Variants in DNAI3 observed in about 807,000 individuals in gnomAD.
The protein encoded by DNAI3 is WD repeat domain 63.
Under a neutral mutation model 115.5 loss-of-function variants are expected in DNAI3, and 83 were observed. The observed-to-expected ratio is 0.72, with a 90% CI of 0.60 to 0.86. The LOEUF (loss-of-function observed/expected upper bound fraction) is 0.86. Among genes scored for constraint, DNAI3 ranks in the 40% least tolerant of loss-of-function variants. The pLI is 0.00. For missense variants in DNAI3, 1,004 were observed against 1,075.8 expected (o/e 0.93, Z 0.93); for synonymous variants, 320 against 347.0 (o/e 0.92, Z 0.86).
chr1:85,078,415 G>A (rs1185412006), intron 3 of DNAI3, among the ~76,000 whole-genome samples: 1 of 152,262 alleles, frequency 6.6e-6, no homozygotes, highest in Non-Finnish European at 1.5e-5. Flanking sequence ...TGCCCTCGCA[G>A]ACATTGTCCT....
chr1:85,130,382 A>C (rs1656276533), intron 22 of DNAI3, among the ~76,000 whole-genome samples: 1 of 152,164 alleles, frequency 6.6e-6, no homozygotes, highest in African/African-American at 2.4e-5. Context: ...GAATGCTTTC[A>C]TTATAGAATT....
chr1:85,104,522 A>G lies in DNAI3; in HGVS notation c.1480-2A>G, dbSNP rs1254601800. On this transcript the variant is annotated splice_acceptor_variant, in intron 13 of 22. Transcript: ENST00000294664. LOFTEE classifies it high-confidence loss of function. ...TATTTCTCTTTCATTTTTGAAAAAT[A>G]GATTAACAGAATGGGCTCCGTCTTT... 1.9e-6 allele frequency: 3 copies of G among 1,613,024 alleles called. No individual in the cohort carries two copies.
intron 16 of DNAI3, among the ~76,000 whole-genome samples, chr1:85,112,029 T>C (rs563944173): frequency 1.1e-4 from 16 of 151,758 alleles, no homozygotes; most frequent in South Asian, 8.4e-4. Context: ...TTATCTAGAA[T>C]TTTATGTAAA....
chr1:85,104,607 G>A lies in DNAI3; in HGVS notation c.1553+10G>A. 6.2e-7 allele frequency: 1 copy of A among 1,612,110 alleles called. No homozygotes were observed. The highest frequency in any genetic ancestry group is 8.5e-7 in the Non-Finnish European group (1 of 1,178,632). On this transcript the variant is annotated intron_variant, in intron 14 of 22. Transcript: ENST00000294664. ...CATGTTCAGCAGATTGGTAAGTCTT[G>A]TTTCAAACATTTCCTAATGTGTTTT...
At chr1:85,119,995 C>T (rs1256757664) in intron 17 of DNAI3, among the ~76,000 whole-genome samples, 8 of 152,222 alleles carry the variant, frequency 5.3e-5, no homozygotes, top group African/African-American at 9.6e-5. Context: ...CCACTGTGCC[C>T]GGCCTTTTTT....
chr1:85,062,612 A>T (rs1384357993), intron 1 of DNAI3, 126 bp downstream of exon 1: 7 of 152,240 alleles, frequency 4.6e-5, no homozygotes, highest in Non-Finnish European at 1.0e-4. Flanking sequence ...ACTACAAAAA[A>T]CACAAGTCTT....
In DNAI3 at chr1:85,083,759, C is replaced by T. The variant is rs56883087; in HGVS notation, c.391-787C>T. On this transcript the variant is annotated intron_variant, in intron 5 of 22. Coordinates refer to ENST00000294664, the MANE Select transcript of DNAI3 (RefSeq NM_145172.5). ...TAAATATTACAGACAATATTCCACT[C>T]CCTCTCGTATCCTCCCTAATTCCAT... 2.3e-3 allele frequency among the ~76,000 whole-genome samples: 352 copies of T among 152,118 alleles called. 15 individuals carry two copies. In the East Asian group the frequency reaches 0.057, roughly 25 times the overall value.
Position 85,133,002 on chromosome 1 carries a change from A to G in DNAI3, c.*4A>G, listed in dbSNP as rs1234207930. 2 of 1,607,696 alleles carry G rather than the reference A, an allele frequency of 1.2e-6. No individual in the cohort carries two copies. The highest frequency in any genetic ancestry group is 1.7e-5 in the Admixed American group (1 of 58,692). ...GTCATACATGGAGGTGATGTAAAAA[A>G]GCTTCCTGAAGGGGTGTTTTGGGGA... On this transcript the variant is annotated 3_prime_UTR_variant, in exon 23 of 23. Coordinates refer to ENST00000294664, the MANE Select transcript of DNAI3 (RefSeq NM_145172.5).
In DNAI3 at chr1:85,093,497, A is replaced by C; in HGVS notation, c.897A>C (p.Thr299=). 2 of 1,614,154 alleles carry C rather than the reference A, an allele frequency of 1.2e-6. No individual in the cohort carries two copies. The highest frequency in any genetic ancestry group is 1.7e-6 in the Non-Finnish European group (2 of 1,180,038). ...IALQQNEIMN[T]FIDDWKYLAE... ...TGCAGCAAAATGAAATCATGAACAC[A>C]TTTATTGATGACTGGAAATACCTCG... The change falls in exon 9 of 23, where the codon ACA becomes ACC. Residue 299 remains threonine (T), a synonymous_variant. Transcript: ENST00000294664.
Position 85,098,605 on chromosome 1 carries a change from A to G in DNAI3, c.1426A>G (p.Asn476Asp). 6.2e-7 allele frequency: 1 copy of G among 1,613,672 alleles called. No homozygotes were observed. The highest frequency in any genetic ancestry group is 8.5e-7 in the Non-Finnish European group (1 of 1,179,764). The stretch of plus-strand genomic sequence containing the variant: ...ACACTGTGCAGTCTCTTCAATAGAA[A>G]ATGGACATAAGAAAGTAATTACAGA... ...IRHCAVSSIE[N>D]GHKKVITDIH... is the part of the protein sequence containing the mutation. Residue 476 changes from asparagine (N) to aspartate (D), a missense_variant, in exon 13 of 23, where the codon AAT (asparagine) becomes GAT (aspartate). By Grantham distance (23) the Asn-to-Asp change is conservative. Around this residue, in one of 3 missense-constraint regions of DNAI3, gnomAD observed 25 missense variants for 53.4 expected, o/e 0.47. Transcript: ENST00000294664.
At chr1:85,084,053 A>G (rs1372118242) in intron 5 of DNAI3, among the ~76,000 whole-genome samples, 1 of 150,994 alleles carries the variant, frequency 6.6e-6, no homozygotes, top group African/African-American at 2.4e-5. Flanking sequence ...TAACTGCTCT[A>G]TGGAATTTTA....
At chr1:85,125,454 T>C (rs1041129875) in intron 19 of DNAI3, among the ~76,000 whole-genome samples, 2 of 152,096 alleles carry the variant, frequency 1.3e-5, no homozygotes, top group Middle Eastern at 6.8e-3. Context: ...TGTATATTTA[T>C]CATTGAAAAT....
chr1:85,070,117 C>A (rs564346572), intron 1 of DNAI3, among the ~76,000 whole-genome samples: 1 of 152,030 alleles, frequency 6.6e-6, no homozygotes, highest in Non-Finnish European at 1.5e-5. Context: ...AAAAATTAGC[C>A]GGGCGTGCTG....
At chr1:85,121,879 T>G in intron 18 of DNAI3, 65 bp downstream of exon 18, 1 of 1,545,672 alleles carries the variant, frequency 6.5e-7, no homozygotes, top group South Asian at 1.1e-5. Flanking sequence ...CCCAAAGGAA[T>G]CTCATGCAGT....
chr1:85,123,975 T>G (rs1656058338), intron 18 of DNAI3, 146 bp from the exon 19 acceptor site: 1 of 944,416 alleles, frequency 1.1e-6, no homozygotes, highest in East Asian at 2.6e-5. Flanking sequence ...CCTTGACAGA[T>G]CTATTCATCC....
intron 19 of DNAI3, among the ~76,000 whole-genome samples, chr1:85,126,215 C>A (rs888246564): frequency 6.6e-6 from 1 of 152,104 alleles, no homozygotes; most frequent in Non-Finnish European, 1.5e-5. Context: ...CAGAAATAGT[C>A]GTAAGGTTAG....
chr1:85,122,513 G>A (rs1656021316), intron 18 of DNAI3, among the ~76,000 whole-genome samples: 1 of 152,196 alleles, frequency 6.6e-6, no homozygotes, highest in South Asian at 2.1e-4. Context: ...TTTGAATTTT[G>A]TCATAGTGTG....
chr1:85,088,829 A>G (rs1402324680), intron 7 of DNAI3, among the ~76,000 whole-genome samples: 1 of 152,134 alleles, frequency 6.6e-6, no homozygotes, highest in Non-Finnish European at 1.5e-5. Flanking sequence ...CAAGCAATAT[A>G]TCATTTTGTT....
intron 7 of DNAI3, among the ~76,000 whole-genome samples, chr1:85,086,941 C>A (rs1654814912): frequency 6.6e-6 from 1 of 151,958 alleles, no homozygotes; most frequent in African/African-American, 2.4e-5. Flanking sequence ...ATCCCTTTAC[C>A]CCTCTGCCCT....
Sources: gnomAD v4.1 joint callset for allele counts (sites outside exome capture counted in the v4.1 genomes callset) on GRCh38, gnomAD v4.1.1 for gene constraint, gnomAD v4.1.1 regional missense constraint, MANE v1.5 for transcripts, NCBI Gene and HGNC (gene_info 2026-07-23, HGNC 2026-07-21) for gene names.